NDUFAF5: variants seen among roughly 807,000 people sequenced by gnomAD.
The protein encoded by NDUFAF5 is NADH:ubiquinone oxidoreductase complex assembly factor 5, also known as arginine-hydroxylase NDUFAF5, mitochondrial.
In NDUFAF5, 34 loss-of-function variants were observed where a neutral mutation model predicts 48.9. The observed-to-expected ratio is 0.70, with a 90% CI of 0.53 to 0.93. The LOEUF (loss-of-function observed/expected upper bound fraction) is 0.93. NDUFAF5 is among the 40% of genes least tolerant of loss of function. The pLI is 0.00. For missense variants in NDUFAF5, 428 were observed against 427.5 expected, an observed-to-expected ratio of 1.00 and a Z score of -0.01; for synonymous variants, 153 against 150.6, an observed-to-expected ratio of 1.02 and a Z score of -0.12.
At chr20:13,803,460 A>C (rs945015155) in intron 7 of NDUFAF5, 1 of 152,252 alleles carries the variant, frequency 6.6e-6, no homozygotes, top group Non-Finnish European at 1.5e-5. Flanking sequence ...TAATTGTATA[A>C]GTAACACAAA....
intron 8 of NDUFAF5, 50 bp from the exon 9 acceptor site, chr20:13,816,412 TG>T: frequency 8.1e-7 from 1 of 1,231,096 alleles, no homozygotes; most frequent in Non-Finnish European, 1.2e-6. Context: ...GGTATTGAGC[TG>T]TTCAGGGTGT....
intron 8 of NDUFAF5, among the ~76,000 whole-genome samples, chr20:13,812,125 C>G (rs1489957224): frequency 1.3e-5 from 2 of 152,248 alleles, no homozygotes; most frequent in Non-Finnish European, 2.9e-5. Context: ...TGCCCTGGCA[C>G]TGTCTGAACT....
intron 4 of NDUFAF5, among the ~76,000 whole-genome samples, chr20:13,793,987 C>G (rs1372357427): frequency 6.6e-6 from 1 of 152,174 alleles, no homozygotes; most frequent in Non-Finnish European, 1.5e-5. Flanking sequence ...ACCTTGTCCT[C>G]TTTAGCTATC....
intron 4 of NDUFAF5, among the ~76,000 whole-genome samples, chr20:13,794,404 C>T (rs1600336051): frequency 6.6e-6 from 1 of 152,108 alleles, no homozygotes; most frequent in South Asian, 2.1e-4. Flanking sequence ...CTCAGCCTCC[C>T]GAGTAGCTGA....
intron 9 of NDUFAF5, 139 bp downstream of exon 9, chr20:13,816,685 TC>T: frequency 2.5e-6 from 2 of 800,348 alleles, no homozygotes; most frequent in Non-Finnish European, 4.3e-6. Context: ...AAAACACAGA[TC>T]CTGTAGCTTT....
intron 1 of NDUFAF5, among the ~76,000 whole-genome samples, chr20:13,786,028 T>C (rs1461098658): frequency 2.0e-5 from 3 of 152,198 alleles, no homozygotes; most frequent in East Asian, 1.9e-4. Flanking sequence ...TTTAGGAAGA[T>C]CAAATTAAGA....
At chr20:13,787,097 T>C (rs1218847135) in intron 1 of NDUFAF5, 1 of 595,480 alleles carries the variant, frequency 1.7e-6, no homozygotes. Context: ...ATGTATATTT[T>C]TAAGAATATT....
Position 13,819,226 on chromosome 20 carries a change from A to G in NDUFAF5, c.*2016A>G, listed in dbSNP as rs1340835978. On this transcript the variant is annotated 3_prime_UTR_variant, in exon 11 of 11. Transcript: ENST00000378106. Reference sequence around the variant, plus strand: ...AGGAAACTAATTTTTCTGAATAACCACATTTTCCAAATGATTAAGAGCTCA... The same window carrying G: ...AGGAAACTAATTTTTCTGAATAACCGCATTTTCCAAATGATTAAGAGCTCA... 6.6e-6 allele frequency: 1 copy of G among 152,212 alleles called. No homozygotes were observed. The highest frequency in any genetic ancestry group is 1.5e-5 in the Non-Finnish European group (1 of 68,046). The allele number at this position is 152,212 out of a possible 1,614,324, so 9.4% of individuals were successfully genotyped here.
intron 4 of NDUFAF5, 41 bp downstream of exon 4, chr20:13,793,268 T>C: frequency 1.4e-6 from 2 of 1,463,812 alleles, no homozygotes; most frequent in Non-Finnish European, 1.9e-6. Context: ...AATCTCGTGA[T>C]GTGTTTTCTC....
At position 13,819,576 on chromosome 20, in the gene NDUFAF5, C is replaced by G. The variant is rs1986841936; in HGVS notation, c.*2366C>G. 6.6e-6 allele frequency: 1 copy of G among 152,236 alleles called. No individual in the cohort carries two copies. The highest frequency in any genetic ancestry group is 2.4e-5 in the African/African-American group (1 of 41,434). The allele number at this position is 152,236 out of a possible 1,614,324, so 9.4% of individuals were successfully genotyped here. The stretch of plus-strand genomic sequence containing the variant: ...TAGAGATGGGGTTTCACCATGTTGG[C>G]CAGGATGGTCTCAATCTCTTGACCT... On this transcript the variant is annotated 3_prime_UTR_variant, in exon 11 of 11. Coordinates refer to ENST00000378106, the MANE Select transcript of NDUFAF5 (RefSeq NM_024120.5).
chr20:13,798,831 C>T (rs1983663725), intron 6 of NDUFAF5, among the ~76,000 whole-genome samples: 1 of 152,120 alleles, frequency 6.6e-6, no homozygotes, highest in Non-Finnish European at 1.5e-5. Context: ...AAGTAGGAAC[C>T]TACTTATTTA....
chr20:13,799,794 A>G (rs932752574), intron 6 of NDUFAF5, among the ~76,000 whole-genome samples: 1 of 152,134 alleles, frequency 6.6e-6, no homozygotes, highest in Non-Finnish European at 1.5e-5. Flanking sequence ...AACTAAACCT[A>G]GGTGGTAATG....
Position 13,785,107 on chromosome 20 carries a change from AC to A in NDUFAF5, c.41del (p.Pro14LeufsTer31). 6.2e-7 allele frequency: 1 copy of A among 1,613,442 alleles called. No homozygotes were observed. On this transcript the variant is annotated frameshift_variant, in exon 1 of 11. Transcript: ENST00000378106. LOFTEE classifies it high-confidence loss of function. ...PAGLWRLCRR[P>X]WAARVPAENL... The stretch of plus-strand genomic sequence containing the variant: ...CAGGGCTCTGGCGCTTATGTCGGCG[AC>A]CTTGGGCGGCGAGGGTCCCAGCGGA...
chr20:13,815,248 C>T (rs1986328302), intron 8 of NDUFAF5, among the ~76,000 whole-genome samples: 1 of 152,218 alleles, frequency 6.6e-6, no homozygotes, highest in African/African-American at 2.4e-5. Flanking sequence ...CAGTTTACCT[C>T]TGGTCACTTG....
chr20:13,817,280 T>C lies in NDUFAF5; in HGVS notation c.*70T>C. On this transcript the variant is annotated 3_prime_UTR_variant, in exon 11 of 11. Transcript: ENST00000378106. ...GGATAGCTTTAACATCTAAAATTATTATATTTTGAAGCAAGAAGCACTCTA... is the reference window on the plus strand; with the variant it reads ...GGATAGCTTTAACATCTAAAATTATCATATTTTGAAGCAAGAAGCACTCTA... 1 of 1,217,712 alleles carries C rather than the reference T, an allele frequency of 8.2e-7. No homozygotes were observed. Among genetic ancestry groups the C allele is most frequent in the Non-Finnish European group, 1.2e-6 (1 of 818,612 alleles). 75.4% of individuals were successfully genotyped at this position (1,217,712 alleles called of 1,614,324 possible). A position where few individuals can be genotyped will look rare whatever the true frequency, so the allele number is the denominator to read the frequency against.
intron 6 of NDUFAF5, among the ~76,000 whole-genome samples, 161 bp downstream of exon 6, chr20:13,798,661 T>C (rs1307075700): frequency 6.6e-6 from 1 of 152,236 alleles, no homozygotes; most frequent in East Asian, 1.9e-4. Context: ...AGTAGTACAT[T>C]GGGCAACTCT....
At chr20:13,792,844 G>T (rs1372300762) in intron 3 of NDUFAF5, among the ~76,000 whole-genome samples, 1 of 152,186 alleles carries the variant, frequency 6.6e-6, no homozygotes, top group African/African-American at 2.4e-5. Context: ...ACAACTAAAA[G>T]GCGGGAAACT....
chr20:13,814,789 G>A (rs149623145), intron 8 of NDUFAF5, among the ~76,000 whole-genome samples: 56 of 152,250 alleles, frequency 3.7e-4, no homozygotes, highest in African/African-American at 1.1e-3. Flanking sequence ...ACTGGAATTC[G>A]ATAGAGGTTG....
At chr20:13,803,243 G>A (rs1181437717) in intron 7 of NDUFAF5, 1 of 152,236 alleles carries the variant, frequency 6.6e-6, no homozygotes, top group East Asian at 1.9e-4. Context: ...GCTGGGAACT[G>A]AAGAGAACCC....
Sources: allele counts gnomAD v4.1 joint callset (sites outside exome capture counted in the v4.1 genomes callset), GRCh38; gene constraint gnomAD v4.1.1; transcripts MANE v1.5; gene names NCBI Gene and HGNC (gene_info 2026-07-23, HGNC 2026-07-21).